HMBOX1: variants seen among roughly 807,000 people sequenced by gnomAD.
The protein encoded by HMBOX1 is homeobox-containing protein 1.
HMBOX1 carries 14 observed loss-of-function variants against 54.5 expected under a neutral mutation model. That is an observed-to-expected ratio of 0.26 (90% CI 0.17 to 0.40). HMBOX1 has a LOEUF of 0.40. Among genes scored for constraint, HMBOX1 ranks in the 10% least tolerant of loss-of-function variants. The pLI is 1.00. For synonymous variants in HMBOX1, 160 were observed against 181.0 expected (o/e 0.88, Z 0.93); for missense variants, 332 against 514.4 (o/e 0.65, Z 3.43).
chr8:28,971,300 A>T (rs931215569), intron 3 of HMBOX1, among the ~76,000 whole-genome samples: 1 of 152,090 alleles, frequency 6.6e-6, no homozygotes, highest in Admixed American at 6.5e-5. Context: ...CATGTTGATC[A>T]GGCTGGTCTC....
chr8:28,925,748 A>G (rs1234109695), intron 1 of HMBOX1, among the ~76,000 whole-genome samples: 1 of 152,094 alleles, frequency 6.6e-6, no homozygotes, highest in African/African-American at 2.4e-5. Flanking sequence ...ATTTCAAGAA[A>G]TCTTTTTATT....
chr8:28,943,456 T>G (rs1322673174), intron 1 of HMBOX1, among the ~76,000 whole-genome samples: 1 of 152,194 alleles, frequency 6.6e-6, no homozygotes, highest in Non-Finnish European at 1.5e-5. Context: ...AGATTTCTCG[T>G]CCTCAGCTCT....
chr8:28,898,409 A>G (rs999493445), intron 1 of HMBOX1, among the ~76,000 whole-genome samples: 7 of 151,898 alleles, frequency 4.6e-5, no homozygotes, highest in Non-Finnish European at 1.0e-4. Flanking sequence ...CTAGCTTTCT[A>G]TTTGTCTTGG....
At chr8:28,945,645 GA>G (rs780550550) in intron 1 of HMBOX1, among the ~76,000 whole-genome samples, 2 of 152,160 alleles carry the variant, frequency 1.3e-5, no homozygotes, top group African/African-American at 2.4e-5. Context: ...ATCATGTAAA[GA>G]ATGAATTTTT....
At chr8:28,959,720 T>A (rs1825125135) in intron 1 of HMBOX1, among the ~76,000 whole-genome samples, 1 of 152,178 alleles carries the variant, frequency 6.6e-6, no homozygotes, top group Non-Finnish European at 1.5e-5. Flanking sequence ...TTTTCTATAG[T>A]TTAGTATTAT....
At chr8:29,034,596 A>G (rs766833198) in intron 6 of HMBOX1, among the ~76,000 whole-genome samples, 9 of 152,220 alleles carry the variant, frequency 5.9e-5, no homozygotes, top group Non-Finnish European at 1.2e-4. Flanking sequence ...GGTGGCTCAC[A>G]CCTGTATCCA....
At chr8:29,006,623 G>T (rs1323669358) in intron 4 of HMBOX1, among the ~76,000 whole-genome samples, 1 of 151,900 alleles carries the variant, frequency 6.6e-6, no homozygotes, top group Non-Finnish European at 1.5e-5. Context: ...TAGTTTTCTG[G>T]GTTTTTTTAT....
rs1413879795 is a variant in HMBOX1 at position 28,970,481 on chromosome 8, G to A, written c.462G>A (p.Glu154=). ...QRSYSFEASE[E]DLDVDDKVEE... is the part of the protein sequence containing the mutation. ...CATACAGTTTTGAAGCCTCAGAAGA[G>A]GACCTAGATGTAGATGATAAAGTGG... The change falls in exon 3 of 10, where the codon GAG becomes GAA. Residue 154 remains glutamate, a synonymous_variant. Coordinates refer to ENST00000287701, the MANE Select transcript of HMBOX1 (RefSeq NM_001135726.3). The surrounding 1 kb of genome is among the most constrained non-coding windows in gnomAD (Gnocchi z 4.3). 1 of 1,609,452 alleles carries A rather than the reference G, an allele frequency of 6.2e-7. No homozygotes were observed. Among genetic ancestry groups the A allele is most frequent in the African/African-American group, 1.3e-5 (1 of 74,806 alleles).
intron 1 of HMBOX1, among the ~76,000 whole-genome samples, chr8:28,897,942 CA>C (rs902548270): frequency 9.9e-5 from 15 of 151,994 alleles, no homozygotes; most frequent in African/African-American, 3.6e-4. Flanking sequence ...AGGATCTTTA[CA>C]GAATAAAAGG....
chr8:28,920,979 G>A (rs1019317771), intron 1 of HMBOX1, among the ~76,000 whole-genome samples: 2 of 152,172 alleles, frequency 1.3e-5, no homozygotes, highest in East Asian at 3.8e-4. Flanking sequence ...GGTACTAAAT[G>A]CACTATAACA....
chr8:29,011,805 G>A (rs1834260094), intron 5 of HMBOX1, among the ~76,000 whole-genome samples: 1 of 152,106 alleles, frequency 6.6e-6, no homozygotes, highest in South Asian at 2.1e-4. Flanking sequence ...GAAATTAGAG[G>A]AAGGTAGAAC....
intron 4 of HMBOX1, among the ~76,000 whole-genome samples, chr8:28,989,328 T>C (rs1480404254): frequency 2.0e-5 from 3 of 152,158 alleles, no homozygotes; most frequent in Non-Finnish European, 4.4e-5. Context: ...TTTTCTCATG[T>C]TTTCCTCTGT....
At chr8:28,957,426 G>A (rs1390916607) in intron 1 of HMBOX1, among the ~76,000 whole-genome samples, 1 of 152,130 alleles carries the variant, frequency 6.6e-6, no homozygotes, top group Non-Finnish European at 1.5e-5. Context: ...GGAGGAAATC[G>A]GGGCAAAGGT....
Position 28,945,191 on chromosome 8 carries a change from G to A in HMBOX1, c.-57-18620G>A, listed in dbSNP as rs113636059. On this transcript the variant is annotated intron_variant, in intron 1 of 9. Coordinates refer to ENST00000287701, the MANE Select transcript of HMBOX1 (RefSeq NM_001135726.3). ...AGAGGCAAAAGTGCTAACATTTCTA[G>A]GTGCCTACTTTAGGAGCTTCTTCTA... 2.8e-3 allele frequency among the ~76,000 whole-genome samples: 420 copies of A among 152,318 alleles called. 4 individuals are homozygous for A. The highest frequency in any genetic ancestry group is 9.3e-3 in the African/African-American group (385 of 41,556).
rs1179578368 is a variant in HMBOX1, at chr8:29,052,646, A to G, written c.*1491A>G. 1 of 152,176 alleles carries G rather than the reference A, an allele frequency of 6.6e-6. No homozygotes were observed. Among genetic ancestry groups the G allele is most frequent in the Non-Finnish European group, 1.5e-5 (1 of 68,030 alleles). 9.4% of individuals were successfully genotyped at this position (152,176 alleles called of 1,614,324 possible). A position where few individuals can be genotyped will look rare whatever the true frequency, so the allele number is the denominator to read the frequency against. Reference sequence around the variant, plus strand: ...AAAATGATGAACTATTCATGCATCAAAGAAAATTACATCTGCTGGCCTTGT... The same window carrying G: ...AAAATGATGAACTATTCATGCATCAGAGAAAATTACATCTGCTGGCCTTGT... On this transcript the variant is annotated 3_prime_UTR_variant, in exon 10 of 10. Coordinates refer to ENST00000287701, the MANE Select transcript of HMBOX1 (RefSeq NM_001135726.3).
intron 6 of HMBOX1, among the ~76,000 whole-genome samples, chr8:29,028,465 C>T (rs892901241): frequency 6.6e-6 from 1 of 152,162 alleles, no homozygotes; most frequent in Non-Finnish European, 1.5e-5. Context: ...TCTTGGTTTT[C>T]ACTGCATTTT....
In HMBOX1 at chr8:29,049,040, T is replaced by C. The variant is rs1806031140; in HGVS notation, c.1117T>C (p.Ser373Pro). 6.2e-7 allele frequency: 1 copy of C among 1,613,622 alleles called. No individual in the cohort carries two copies. Among genetic ancestry groups the C allele is most frequent in the South Asian group, 1.1e-5 (1 of 91,062 alleles). ...TGATGATGTCGACGGGAATGACTAC[T>C]CTGAGCAGGTGAGCCCCTGCGCAGC... Reference protein sequence around the residue: ...NSDDVDGNDYSEQDDSTSHSD... With the variant: ...NSDDVDGNDYPEQDDSTSHSD... The change falls in exon 9 of 10, where the codon TCT (serine) becomes CCT (proline). Residue 373 changes from serine (S) to proline (P), a missense_variant. Physicochemically the swap from Ser to Pro is moderately conservative, Grantham distance 74 (BLOSUM62 -1). This residue lies in a region of HMBOX1 where 69 missense variants were observed against 104.6 expected (regional missense o/e 0.66). Coordinates refer to ENST00000287701, the MANE Select transcript of HMBOX1 (RefSeq NM_001135726.3).
At chr8:28,979,447 T>C (rs1276275274) in intron 3 of HMBOX1, among the ~76,000 whole-genome samples, 1 of 152,216 alleles carries the variant, frequency 6.6e-6, no homozygotes, top group Non-Finnish European at 1.5e-5. Context: ...TAATACAAAA[T>C]GTATAAATGC....
chr8:29,026,420 A>G (rs1183228477), intron 6 of HMBOX1, among the ~76,000 whole-genome samples: 2 of 152,128 alleles, frequency 1.3e-5, no homozygotes, highest in African/African-American at 4.8e-5. Flanking sequence ...TGGGGTGATG[A>G]AGATTTGTAA....
Sources: gnomAD v4.1 joint callset for allele counts (sites outside exome capture counted in the v4.1 genomes callset) on GRCh38, gnomAD v4.1.1 for gene constraint, gnomAD v4.1.1 regional missense constraint, Gnocchi (gnomAD v3.1) non-coding constraint, MANE v1.5 for transcripts, NCBI Gene and HGNC (gene_info 2026-07-23, HGNC 2026-07-21) for gene names.